Variants in JMY observed in about 807,000 individuals in gnomAD.
The protein encoded by JMY is junction-mediating and -regulatory protein.
A neutral mutation model predicts 103.3 loss-of-function variants in JMY; 46 were observed. That is an observed-to-expected ratio of 0.45 (90% CI 0.35 to 0.57). The LOEUF (loss-of-function observed/expected upper bound fraction) is 0.57, where lower values mean the gene tolerates loss of function less well. JMY is among the 20% of genes least tolerant of loss of function. The pLI is 0.00. For missense variants in JMY, 1,238 were observed against 1,255.2 expected (o/e 0.99, Z 0.21); for synonymous variants, 526 against 489.3 (o/e 1.07, Z -0.99).
At chr5:79,292,460 C>T (rs1017973360) in intron 4 of JMY, among the ~76,000 whole-genome samples, 4 of 151,942 alleles carry the variant, frequency 2.6e-5, no homozygotes, top group African/African-American at 7.3e-5. Flanking sequence ...CACGCACCCC[C>T]CCCAACACCT....
chr5:79,277,734 G>A (rs1745982101), intron 1 of JMY, among the ~76,000 whole-genome samples, 176 bp from the exon 2 acceptor site: 1 of 152,162 alleles, frequency 6.6e-6, no homozygotes. Context: ...ATGGTCTTGA[G>A]TAGTGAGACA....
chr5:79,245,385 A>G (rs1028156709), intron 1 of JMY, among the ~76,000 whole-genome samples: 7 of 152,126 alleles, frequency 4.6e-5, no homozygotes, highest in Non-Finnish European at 1.0e-4. Context: ...GTGCTTTTTC[A>G]GAAGCATCCC....
chr5:79,262,848 G>C (rs1020338901), intron 1 of JMY, among the ~76,000 whole-genome samples: 2 of 152,208 alleles, frequency 1.3e-5, no homozygotes, highest in East Asian at 3.8e-4. Context: ...TGTTTGGATA[G>C]AGTAACTGAT....
rs578151458 is a variant in JMY, at chr5:79,246,784, A to T, written c.1032+9102A>T. 5.9e-5 allele frequency among the ~76,000 whole-genome samples: 9 copies of T among 152,164 alleles called. No individual in the cohort carries two copies. In the South Asian group the frequency reaches 1.9e-3, roughly 32 times the overall value. On this transcript the variant is annotated intron_variant, in intron 1 of 10. Coordinates refer to ENST00000396137, the MANE Select transcript of JMY (RefSeq NM_152405.5). ...TAATCCCAGCTAACTTGGGAGGCTGAGGCAGGAGAATCACTTGAACCTGGG... is the reference window on the plus strand; with the variant it reads ...TAATCCCAGCTAACTTGGGAGGCTGTGGCAGGAGAATCACTTGAACCTGGG...
chr5:79,257,287 A>G (rs964621447), intron 1 of JMY, among the ~76,000 whole-genome samples: 1 of 152,074 alleles, frequency 6.6e-6, no homozygotes, highest in Admixed American at 6.6e-5. Context: ...CCTTCCCTAT[A>G]GAAAGTCATT....
At chr5:79,291,091 G>A in intron 3 of JMY, 39 bp from the exon 4 acceptor site, 1 of 1,429,222 alleles carries the variant, frequency 7.0e-7, no homozygotes, top group Non-Finnish European at 9.4e-7. Context: ...GTATTAAGTT[G>A]TTATTTGTCT....
At chr5:79,313,334 A>C (rs1241353991) in intron 8 of JMY, among the ~76,000 whole-genome samples, 2 of 152,092 alleles carry the variant, frequency 1.3e-5, no homozygotes, top group East Asian at 3.9e-4. Context: ...TGGGAGGATT[A>C]CCTGAGCCAG....
chr5:79,312,175 A>G (rs988512836), intron 7 of JMY, among the ~76,000 whole-genome samples: 3 of 152,200 alleles, frequency 2.0e-5, no homozygotes, highest in Non-Finnish European at 2.9e-5. Context: ...TATAGCAGCT[A>G]GAAGTATTTT....
intron 1 of JMY, among the ~76,000 whole-genome samples, chr5:79,259,067 C>T (rs924003569): frequency 2.6e-5 from 4 of 152,062 alleles, no homozygotes; most frequent in African/African-American, 7.2e-5. Context: ...CAGCATGTCC[C>T]GATGAGTGTT....
At chr5:79,287,722 G>A (rs554721929) in intron 2 of JMY, among the ~76,000 whole-genome samples, 12 of 152,276 alleles carry the variant, frequency 7.9e-5, no homozygotes, top group South Asian at 6.2e-4. Context: ...CTGGGCATTC[G>A]AGTATTTCAC....
In JMY at chr5:79,265,740, A is replaced by G. The variant is rs1745567162; in HGVS notation, c.1033-12170A>G. Among the ~76,000 whole-genome samples the G allele has an allele frequency of 2.7e-5, 4 of 147,514 alleles. No individual in the cohort carries two copies. The South Asian group carries it at 8.6e-4, about 32-fold the overall frequency. On this transcript the variant is annotated intron_variant, in intron 1 of 10. Coordinates refer to ENST00000396137, the MANE Select transcript of JMY (RefSeq NM_152405.5). ...TCAGGGAGCATGATGACACGGCCTC[A>G]CCCACTGTTTCCCACCCAGATTGCT...
Position 79,290,205 on chromosome 5 carries a change from A to C in JMY, c.1291A>C (p.Met431Leu). 6.3e-7 allele frequency: 1 copy of C among 1,593,744 alleles called. No individual in the cohort carries two copies. ...TGCTGATTGGCAGCGGAAAGCTCAC[A>C]TGGCTGTACTGTCTATTCAAGATCT... ...EDADWQRKAH[M>L]AVLSIQDLTV... The change falls in exon 3 of 11, where the codon ATG becomes CTG. Residue 431 changes from methionine to leucine, a missense_variant. Coordinates refer to ENST00000396137, the MANE Select transcript of JMY (RefSeq NM_152405.5).
chr5:79,269,465 C>T (rs545016676), intron 1 of JMY, among the ~76,000 whole-genome samples: 11 of 152,002 alleles, frequency 7.2e-5, no homozygotes, highest in African/African-American at 2.7e-4. Context: ...TTTTTGATAC[C>T]CACAAAATAA....
At chr5:79,290,355 A>G in intron 3 of JMY, 84 bp downstream of exon 3, 2 of 937,074 alleles carry the variant, frequency 2.1e-6, no homozygotes, top group Non-Finnish European at 3.0e-6. Flanking sequence ...TTACATAGAA[A>G]AGTATATAAA....
chr5:79,280,488 G>A (rs926035675), intron 2 of JMY, among the ~76,000 whole-genome samples: 38 of 152,262 alleles, frequency 2.5e-4, no homozygotes, highest in African/African-American at 8.9e-4. Flanking sequence ...TGTCTTTTCT[G>A]ACAGTAAAAA....
intron 1 of JMY, among the ~76,000 whole-genome samples, chr5:79,257,824 G>A (rs1357114792): frequency 1.3e-5 from 2 of 151,960 alleles, no homozygotes; most frequent in Admixed American, 6.6e-5. Context: ...GTGCAGTGGT[G>A]CAGTCTCGAC....
At chr5:79,265,951 A>G (rs1392525010) in intron 1 of JMY, among the ~76,000 whole-genome samples, 2 of 151,696 alleles carry the variant, frequency 1.3e-5, no homozygotes, top group Admixed American at 6.6e-5. Flanking sequence ...CTCGGCTAGT[A>G]CTGTATTTTT....
At position 79,317,553 on chromosome 5, in the gene JMY, G is replaced by A. The variant is rs73769613; in HGVS notation, c.*3+1243G>A. Among the ~76,000 whole-genome samples the A allele has an allele frequency of 6.3e-3, 964 of 152,182 alleles. 8 individuals carry two copies. The highest frequency in any genetic ancestry group is 0.022 in the African/African-American group (934 of 41,528). ...TAAAATTTATAGAGTATACAAACAT[G>A]TTCTATTAATTATTATTCTTTCTTG... On this transcript the variant is annotated intron_variant, in intron 10 of 10. Coordinates refer to ENST00000396137, the MANE Select transcript of JMY (RefSeq NM_152405.5).
At chr5:79,246,241 T>C (rs1415317419) in intron 1 of JMY, among the ~76,000 whole-genome samples, 2 of 152,230 alleles carry the variant, frequency 1.3e-5, no homozygotes, top group Non-Finnish European at 2.9e-5. Flanking sequence ...AAATTATTTC[T>C]CTAGGCCTAT....
Sources: allele counts gnomAD v4.1 joint callset (sites outside exome capture counted in the v4.1 genomes callset), GRCh38; gene constraint gnomAD v4.1.1; transcripts MANE v1.5; gene names NCBI Gene and HGNC (gene_info 2026-07-23, HGNC 2026-07-21).